The following CACNA1E variants were observed in gnomAD, a reference collection of about 807,000 sequenced individuals.
The protein encoded by CACNA1E is voltage-dependent R-type calcium channel subunit alpha-1E.
A neutral mutation model predicts 259.2 loss-of-function variants in CACNA1E; 40 were observed. The ratio of observed to expected loss-of-function variants is 0.15; its 90% CI spans 0.12 to 0.20. The LOEUF is 0.20. Ranked by LOEUF, CACNA1E falls within the 10% of genes least tolerant of loss-of-function variation. The probability of loss-of-function intolerance (pLI) is 1.00; values close to 1 mark genes in which losing one functional copy is unlikely to be tolerated. For synonymous variants in CACNA1E, 1,104 were observed against 1,138.5 expected, an observed-to-expected ratio of 0.97 and a Z score of 0.61; for missense variants, 1,874 against 3,040.1, an observed-to-expected ratio of 0.62 and a Z score of 9.02.
chr1:181,675,500 G>C (rs1009025407), intron 7 of CACNA1E, among the ~76,000 whole-genome samples: 1 of 152,146 alleles, frequency 6.6e-6, no homozygotes, highest in African/African-American at 2.4e-5. Flanking sequence ...TTAAGAGAAG[G>C]GGATGGGGAA....
intron 1 of CACNA1E, among the ~76,000 whole-genome samples, chr1:181,408,707 C>T (rs1318693118): frequency 6.6e-6 from 1 of 152,120 alleles, no homozygotes; most frequent in African/African-American, 2.4e-5. Flanking sequence ...AAAATCACAC[C>T]CTCTGCTCAT....
At chr1:181,563,158 G>A (rs1649488201) in intron 3 of CACNA1E, among the ~76,000 whole-genome samples, 1 of 152,110 alleles carries the variant, frequency 6.6e-6, no homozygotes, top group African/African-American at 2.4e-5. Flanking sequence ...TCTTCATCAA[G>A]CACTGTAATT....
At chr1:181,595,100 A>G (rs748548020) in intron 6 of CACNA1E, among the ~76,000 whole-genome samples, 1 of 152,334 alleles carries the variant, frequency 6.6e-6, no homozygotes, top group African/African-American at 2.4e-5. Context: ...AAGCATCCTG[A>G]TATCATGACC....
At chr1:181,579,650 C>CA (rs1383533944) in intron 5 of CACNA1E, among the ~76,000 whole-genome samples, 32 of 150,606 alleles carry the variant, frequency 2.1e-4, no homozygotes, top group Admixed American at 4.6e-4. Context: ...TCTCTGTCTA[C>CA]AGAAAAAAAA....
At chr1:181,457,658 G>T (rs1211503878) in intron 2 of CACNA1E, among the ~76,000 whole-genome samples, 2 of 152,218 alleles carry the variant, frequency 1.3e-5, no homozygotes, top group Non-Finnish European at 2.9e-5. Context: ...TGCAGGGAAT[G>T]TGCATAGGGG....
chr1:181,496,523 G>A (rs1234467600), intron 1 of CACNA1E, among the ~76,000 whole-genome samples: 1 of 152,144 alleles, frequency 6.6e-6, no homozygotes, highest in Non-Finnish European at 1.5e-5. Flanking sequence ...CTCTATGTTT[G>A]TTCTATCAGA....
rs188713203 is a variant in CACNA1E at position 181,365,147 on chromosome 1, G to A, written c.-15+47024G>A. Among the ~76,000 whole-genome samples the A allele has an allele frequency of 3.5e-4, 54 of 152,248 alleles. 2 individuals carry two copies. The highest frequency in any genetic ancestry group is 1.8e-4 in the Non-Finnish European group (12 of 68,014). ...TGAAGGTGAGGACAGCCTGCTATCA[G>A]GATGGCAATCCTAGCTTTTTTTTAT... On this transcript the variant is annotated intron_variant, in intron 1 of 11. Coordinates refer to the CACNA1E transcript ENST00000524607.
At chr1:181,590,604 C>T (rs1652549075) in intron 6 of CACNA1E, among the ~76,000 whole-genome samples, 1 of 152,058 alleles carries the variant, frequency 6.6e-6, no homozygotes, top group Non-Finnish European at 1.5e-5. Context: ...TCTCCTAGTG[C>T]CCCTTTTCTT....
intron 43 of CACNA1E, among the ~76,000 whole-genome samples, chr1:181,788,597 T>G (rs1434584434): frequency 6.6e-6 from 1 of 152,074 alleles, no homozygotes; most frequent in Non-Finnish European, 1.5e-5. Flanking sequence ...GCCTAGCCTA[T>G]CCAATGAACT....
At chr1:181,538,487 T>A (rs1572141787) in intron 3 of CACNA1E, among the ~76,000 whole-genome samples, 1 of 152,356 alleles carries the variant, frequency 6.6e-6, no homozygotes, top group East Asian at 1.9e-4. Flanking sequence ...GGAATCTTTT[T>A]CATGTGTTAT....
chr1:181,558,511 G>A (rs1648973861), intron 3 of CACNA1E, among the ~76,000 whole-genome samples: 1 of 152,166 alleles, frequency 6.6e-6, no homozygotes, highest in Non-Finnish European at 1.5e-5. Flanking sequence ...TGAAGCAAGT[G>A]CATGCTGAAC....
At chr1:181,756,751 G>A (rs1258583836) in intron 29 of CACNA1E, among the ~76,000 whole-genome samples, 174 bp from the exon 30 acceptor site, 1 of 152,218 alleles carries the variant, frequency 6.6e-6, no homozygotes, top group Non-Finnish European at 1.5e-5. Context: ...AGGCTAGAAA[G>A]AGAAGTGGAT....
chr1:181,720,824 C>A lies in CACNA1E; in HGVS notation c.1925C>A (p.Thr642Asn). Residue 642 changes from threonine (T) to asparagine (N), a missense_variant, in exon 15 of 48, where the codon ACC (threonine) becomes AAC (asparagine). Physicochemically the swap from Thr to Asn is moderately conservative, Grantham distance 65. Coordinates refer to ENST00000367573, the MANE Select transcript of CACNA1E (RefSeq NM_001205293.3). ...GGGACTCCTTCGGCAAATTTTGATA[C>A]CTTCCCTGCAGCCATCATGACTGTG... Reference protein sequence around the residue: ...NDGTPSANFDTFPAAIMTVFQ... With the variant: ...NDGTPSANFDNFPAAIMTVFQ... The A allele has an allele frequency of 6.2e-7, 1 of 1,611,842 alleles. No homozygotes were observed.
intron 7 of CACNA1E, among the ~76,000 whole-genome samples, chr1:181,680,143 A>C (rs1649805055): frequency 6.8e-6 from 1 of 147,982 alleles, no homozygotes; most frequent in African/African-American, 2.5e-5. Flanking sequence ...AAGAGTCCCC[A>C]ATCTCAGCAG....
intron 7 of CACNA1E, among the ~76,000 whole-genome samples, chr1:181,653,998 A>C (rs199977): frequency 0.97 from 147,006 of 152,034 alleles, 71,270 homozygotes; most frequent in Non-Finnish European, 1. Context: ...GAGGAAAATG[A>C]CCAACACATA....
Position 181,768,774 on chromosome 1 carries a change from A to G in CACNA1E, c.4881+2163A>G, listed in dbSNP as rs553563687. ...GAGCTGGCCATCCCCATCCTGGTCT[A>G]TGACAGAGACACAGCACCAAGCACA... On this transcript the variant is annotated intron_variant, in intron 35 of 47. Transcript: ENST00000367573. Among the ~76,000 whole-genome samples, 16 of 152,336 alleles carry G rather than the reference A, an allele frequency of 1.1e-4. No individual in the cohort carries two copies. The South Asian group carries it at 3.3e-3, about 32-fold the overall frequency.
intron 1 of CACNA1E, among the ~76,000 whole-genome samples, chr1:181,363,064 G>C (rs974940069): frequency 6.6e-6 from 1 of 152,188 alleles, no homozygotes; most frequent in South Asian, 2.1e-4. Flanking sequence ...CCCCCTGGGG[G>C]ACCATCTACA....
chr1:181,460,344 A>G (rs1200536566), intron 2 of CACNA1E, among the ~76,000 whole-genome samples: 1 of 152,108 alleles, frequency 6.6e-6, no homozygotes, highest in Non-Finnish European at 1.5e-5. Context: ...CATGAACCAG[A>G]GTGGGAGCAG....
At chr1:181,522,957 C>A (rs777993085) in intron 3 of CACNA1E, among the ~76,000 whole-genome samples, 3 of 152,196 alleles carry the variant, frequency 2.0e-5, no homozygotes, top group Non-Finnish European at 4.4e-5. Context: ...TCTTAGTCTC[C>A]CTAATCCTTC....
Sources: allele counts gnomAD v4.1 joint callset (sites outside exome capture counted in the v4.1 genomes callset), GRCh38; gene constraint gnomAD v4.1.1; transcripts MANE v1.5; gene names NCBI Gene and HGNC (gene_info 2026-07-23, HGNC 2026-07-21).